TMEM245: variants seen among roughly 807,000 people sequenced by gnomAD.
The protein encoded by TMEM245 is protein CG-2.
Under a neutral mutation model 101.2 loss-of-function variants are expected in TMEM245, and 69 were observed. The observed-to-expected ratio is 0.68, with a 90% CI of 0.56 to 0.83. The LOEUF (loss-of-function observed/expected upper bound fraction) is 0.83, where lower values mean the gene tolerates loss of function less well. Among genes scored for constraint, TMEM245 ranks in the 40% least tolerant of loss-of-function variants. The pLI is 0.00. For missense variants in TMEM245, 1,075 were observed against 1,092.8 expected (o/e 0.98, Z 0.23); for synonymous variants, 537 against 449.8 (o/e 1.19, Z -2.45).
intron 11 of TMEM245, among the ~76,000 whole-genome samples, chr9:109,059,500 C>T (rs2132430235): frequency 6.6e-6 from 1 of 152,084 alleles, no homozygotes. Context: ...GACAACATGG[C>T]AAAACCCTGT....
chr9:109,093,126 C>T (rs996462498), intron 4 of TMEM245, among the ~76,000 whole-genome samples: 15 of 151,388 alleles, frequency 9.9e-5, no homozygotes, highest in East Asian at 1.9e-4. Context: ...ATAAGATATG[C>T]GTAAAGTGGA....
chr9:109,034,604 A>T (rs1199494117), intron 16 of TMEM245, among the ~76,000 whole-genome samples: 1 of 151,902 alleles, frequency 6.6e-6, no homozygotes, highest in Non-Finnish European at 1.5e-5. Context: ...GTGCCACCAC[A>T]CCAAACTAAT....
chr9:109,083,619 T>TG (rs1464658317), intron 7 of TMEM245, among the ~76,000 whole-genome samples: 1 of 152,120 alleles, frequency 6.6e-6, no homozygotes, highest in Non-Finnish European at 1.5e-5. Flanking sequence ...CTACACTAAC[T>TG]GGCCTATTTA....
At chr9:109,083,929 A>AAAAAAAAC (rs1298306808) in intron 7 of TMEM245, among the ~76,000 whole-genome samples, 1 of 140,210 alleles carries the variant, frequency 7.1e-6, no homozygotes, top group South Asian at 2.3e-4. Context: ...AAAAAAAAAA[A>AAAAAAAAC]CACCAGGCAT....
intron 7 of TMEM245, among the ~76,000 whole-genome samples, chr9:109,081,538 G>A (rs1362861696): frequency 1.3e-5 from 2 of 152,100 alleles, no homozygotes; most frequent in African/African-American, 4.8e-5. Flanking sequence ...AGTTGCCCAA[G>A]GAGCGAGGGG....
intron 17 of TMEM245, among the ~76,000 whole-genome samples, chr9:109,032,408 A>G (rs1435276772): frequency 3.5e-5 from 2 of 57,122 alleles, no homozygotes; most frequent in African/African-American, 1.2e-4. Context: ...TTTTGAGACA[A>G]GAGTCTCGCT....
At position 109,119,712 on chromosome 9, in the gene TMEM245, C is replaced by A. The variant is rs770739910; in HGVS notation, c.202G>T (p.Gly68Cys). The change falls in exon 1 of 18, where the codon GGC (glycine) becomes TGC (cysteine). Residue 68 changes from glycine to cysteine, a missense_variant. Physicochemically the swap from Gly to Cys is radical, Grantham distance 159. Coordinates refer to ENST00000374586, the MANE Select transcript of TMEM245 (RefSeq NM_032012.4). ...GAVLFVCLCCGAAVLVYFILE... is the reference protein window; with the variant it reads ...GAVLFVCLCCCAAVLVYFILE... ...ATGAAGTAGACCAGCACCGCGGCGC[C>A]GCAGCACAGGCACACGAACAGCACG... 2 of 1,548,844 alleles carry A rather than the reference C, an allele frequency of 1.3e-6. No homozygotes were observed. The highest frequency in any genetic ancestry group is 1.2e-5 in the South Asian group (1 of 84,044).
chr9:109,093,743 A>C lies in TMEM245; in HGVS notation c.800-152T>G, dbSNP rs908449612. 23 of 700,240 alleles carry C rather than the reference A, an allele frequency of 3.3e-5. 1 individual carries two copies. In the South Asian group the frequency reaches 3.8e-4, roughly 12 times the overall value. The allele number at this position is 700,240 out of a possible 1,614,324, so 43.4% of individuals were successfully genotyped here. On this transcript the variant is annotated intron_variant, in intron 3 of 17. Coordinates refer to ENST00000374586, the MANE Select transcript of TMEM245 (RefSeq NM_032012.4). ...GTTCTTCACCAAGGAAGAACCATTA[A>C]GAATTGACATGAAAGTGTGCTAAAA...
intron 5 of TMEM245, among the ~76,000 whole-genome samples, chr9:109,088,527 A>G (rs1313894984): frequency 2.7e-5 from 4 of 150,100 alleles, no homozygotes; most frequent in African/African-American, 9.8e-5. Context: ...AATCATCTGG[A>G]AAAAAAAAAG....
chr9:109,097,073 T>C (rs1830160477), intron 3 of TMEM245, among the ~76,000 whole-genome samples: 1 of 152,208 alleles, frequency 6.6e-6, no homozygotes. Context: ...ATCAAATCCA[T>C]GCAGGGAGGT....
chr9:109,039,172 T>C (rs905646372), intron 14 of TMEM245: 2 of 152,184 alleles, frequency 1.3e-5, no homozygotes, highest in African/African-American at 2.4e-5. Context: ...AGTCATTTAG[T>C]AGTGTTCTGG....
chr9:109,114,185 TC>T (rs1483284572), intron 1 of TMEM245, among the ~76,000 whole-genome samples: 1 of 152,206 alleles, frequency 6.6e-6, no homozygotes, highest in Non-Finnish European at 1.5e-5. Context: ...CCTTAAATTA[TC>T]CACTTAATTC....
In TMEM245 at chr9:109,119,315, G is replaced by A. The variant is rs1254731364; in HGVS notation, c.579+20C>T. On this transcript the variant is annotated intron_variant, in intron 1 of 17. Coordinates refer to ENST00000374586, the MANE Select transcript of TMEM245 (RefSeq NM_032012.4). ...CCGGGACCACGGGCGGGGGACGGGG[G>A]CGGACTGCCGCTCACTCACCCACAG... is the stretch of plus-strand genomic sequence containing the variant. The A allele has an allele frequency of 2.0e-6, 3 of 1,519,026 alleles. No homozygotes were observed. The South Asian group carries it at 3.6e-5, about 18-fold the overall frequency. 94.1% of individuals were successfully genotyped at this position (1,519,026 alleles called of 1,614,324 possible). A position where few individuals can be genotyped will look rare whatever the true frequency, so the allele number is the denominator to read the frequency against.
In TMEM245 at chr9:109,118,385, T is replaced by C. The variant is rs77334743; in HGVS notation, c.579+950A>G. On this transcript the variant is annotated intron_variant, in intron 1 of 17. Transcript: ENST00000374586. ...TTCACTGACAAAAGAAGTGAATCAA[T>C]TTGTAAATGGTACTGTTTATGAATC... Among the ~76,000 whole-genome samples the C allele has an allele frequency of 8.3e-3, 1,271 of 152,322 alleles. 29 individuals are homozygous for C. The highest frequency in any genetic ancestry group is 0.029 in the African/African-American group (1,210 of 41,574).
chr9:109,089,479 G>A (rs1043593308), intron 5 of TMEM245, among the ~76,000 whole-genome samples: 5 of 152,108 alleles, frequency 3.3e-5, no homozygotes, highest in Admixed American at 1.3e-4. Context: ...ATCAGATTAC[G>A]TTTTAATCAA....
chr9:109,065,604 C>A (rs1271958166), intron 9 of TMEM245, among the ~76,000 whole-genome samples: 1 of 152,176 alleles, frequency 6.6e-6, no homozygotes, highest in Non-Finnish European at 1.5e-5. Flanking sequence ...CCTCCTCATT[C>A]TTCTGTTGAC....
intron 17 of TMEM245, among the ~76,000 whole-genome samples, chr9:109,026,451 C>A (rs1827791564): frequency 6.6e-6 from 1 of 151,552 alleles, no homozygotes; most frequent in Non-Finnish European, 1.5e-5. Context: ...GGGGATTATC[C>A]AGATGGAGGA....
chr9:109,036,824 C>T (rs1828141662), intron 15 of TMEM245, among the ~76,000 whole-genome samples: 1 of 152,152 alleles, frequency 6.6e-6, no homozygotes, highest in Non-Finnish European at 1.5e-5. Context: ...CAAGGTCATT[C>T]CCTTCCAGAG....
At chr9:109,090,192 C>T (rs1045028755) in intron 5 of TMEM245, among the ~76,000 whole-genome samples, 1 of 151,946 alleles carries the variant, frequency 6.6e-6, no homozygotes, top group Non-Finnish European at 1.5e-5. Context: ...ACCCAGGGGG[C>T]AAAGGCTGCA....
Sources: gnomAD v4.1 joint callset for allele counts (sites outside exome capture counted in the v4.1 genomes callset) on GRCh38, gnomAD v4.1.1 for gene constraint, MANE v1.5 for transcripts, NCBI Gene and HGNC (gene_info 2026-07-23, HGNC 2026-07-21) for gene names.